Variants in WWOX observed in about 807,000 individuals in gnomAD.
The protein encoded by WWOX is WW domain containing oxidoreductase.
In WWOX, 69 loss-of-function variants were observed where a neutral mutation model predicts 46.2. The observed-to-expected ratio is 1.49, with a 90% CI of 1.23 to 1.82. The LOEUF (loss-of-function observed/expected upper bound fraction) is 1.82, where lower values mean the gene tolerates loss of function less well. Ranked by LOEUF, WWOX falls within the 40% of genes most tolerant of loss-of-function variation. The pLI, the probability that WWOX is intolerant of heterozygous loss-of-function variation, is 0.00. For missense variants in WWOX, 919 were observed against 542.6 expected (o/e 1.69, Z -6.89); for synonymous variants, 359 against 202.6 (o/e 1.77, Z -6.56).
In WWOX at chr16:78,550,917, G is replaced by C. The variant is rs151255650; in HGVS notation, c.1056+118165G>C. On this transcript the variant is annotated intron_variant, in intron 8 of 8. Coordinates refer to ENST00000566780, the MANE Select transcript of WWOX (RefSeq NM_016373.4). Reference sequence around the variant, plus strand: ...GACTTATCACTTGGCTGGGGACTCAGCATTAATTGATAAATCCACTGTAAG... The same window carrying C: ...GACTTATCACTTGGCTGGGGACTCACCATTAATTGATAAATCCACTGTAAG... 41 of 152,254 alleles carry C rather than the reference G, an allele frequency of 2.7e-4. 1 individual carries two copies. The highest frequency in any genetic ancestry group is 9.6e-4 in the African/African-American group (40 of 41,548). The allele number at this position is 152,254 out of a possible 1,614,324, so 9.4% of individuals were successfully genotyped here.
At chr16:78,274,595 G>A (rs2079543241) in intron 5 of WWOX, among the ~76,000 whole-genome samples, 1 of 152,162 alleles carries the variant, frequency 6.6e-6, no homozygotes. Context: ...CACATCCAAT[G>A]TTCAATGTTG....
At chr16:78,446,485 TC>T (rs1278924827) in intron 8 of WWOX, among the ~76,000 whole-genome samples, 1 of 152,044 alleles carries the variant, frequency 6.6e-6, no homozygotes, top group Non-Finnish European at 1.5e-5. Context: ...TTCTGTCACA[TC>T]CCAGGAACTC....
chr16:78,624,472 C>A (rs533127247), intron 8 of WWOX, among the ~76,000 whole-genome samples: 9 of 152,182 alleles, frequency 5.9e-5, no homozygotes, highest in African/African-American at 1.9e-4. Flanking sequence ...TTCCCACTTG[C>A]AATAAGAAAA....
intron 8 of WWOX, among the ~76,000 whole-genome samples, chr16:78,475,627 C>T (rs1191911591): frequency 6.6e-6 from 1 of 152,068 alleles, no homozygotes; most frequent in Non-Finnish European, 1.5e-5. Flanking sequence ...TTTAAGACAG[C>T]GTCTGTTACC....
intron 5 of WWOX, among the ~76,000 whole-genome samples, chr16:78,263,525 G>A (rs1032086209): frequency 2.0e-5 from 3 of 152,120 alleles, no homozygotes; most frequent in Non-Finnish European, 4.4e-5. Flanking sequence ...GTGATGAAAC[G>A]CCTCTTAATC....
chr16:78,178,806 G>T (rs182083159), intron 5 of WWOX, among the ~76,000 whole-genome samples: 77 of 151,746 alleles, frequency 5.1e-4, no homozygotes, highest in African/African-American at 1.8e-3. Flanking sequence ...AGAGGTTGCA[G>T]TGAGCCAAGG....
intron 6 of WWOX, among the ~76,000 whole-genome samples, chr16:78,393,722 A>T (rs935365565): frequency 8.5e-5 from 13 of 152,174 alleles, no homozygotes; most frequent in Non-Finnish European, 1.9e-4. Flanking sequence ...AAACATTTTT[A>T]GAACTGCATT....
intron 8 of WWOX, among the ~76,000 whole-genome samples, chr16:79,118,046 C>T (rs928879256): frequency 6.6e-6 from 1 of 152,224 alleles, no homozygotes; most frequent in African/African-American, 2.4e-5. Context: ...CACAACTTGC[C>T]TGTTTGGCAC....
At chr16:78,610,749 G>T (rs570220475) in intron 8 of WWOX, among the ~76,000 whole-genome samples, 90 of 152,192 alleles carry the variant, frequency 5.9e-4, no homozygotes, top group Non-Finnish European at 1.1e-3. Flanking sequence ...AAACCGTCGG[G>T]GCTAATGGCA....
intron 8 of WWOX, among the ~76,000 whole-genome samples, chr16:78,956,406 C>T (rs549113642): frequency 1.3e-5 from 2 of 152,090 alleles, no homozygotes; most frequent in Non-Finnish European, 2.9e-5. Flanking sequence ...CCGCCCATCT[C>T]GGCCTCCCCA....
At chr16:78,484,151 CAT>C (rs1203333645) in intron 8 of WWOX, among the ~76,000 whole-genome samples, 3 of 152,282 alleles carry the variant, frequency 2.0e-5, no homozygotes, top group South Asian at 2.1e-4. Flanking sequence ...TTTGTATAAA[CAT>C]ATGAATTTGT....
intron 8 of WWOX, among the ~76,000 whole-genome samples, chr16:78,883,633 A>G (rs572901903): frequency 1.3e-5 from 2 of 152,148 alleles, no homozygotes; most frequent in South Asian, 4.1e-4. Flanking sequence ...CTGAAGCAGG[A>G]GAATTGCTTG....
intron 8 of WWOX, among the ~76,000 whole-genome samples, chr16:79,150,033 C>T (rs1025645023): frequency 1.1e-4 from 16 of 152,194 alleles, no homozygotes; most frequent in African/African-American, 3.9e-4. Flanking sequence ...AAATGCTTTT[C>T]TGGTCAAATA....
chr16:78,651,184 A>T (rs1197362169), intron 8 of WWOX, among the ~76,000 whole-genome samples: 1 of 152,244 alleles, frequency 6.6e-6, no homozygotes. Flanking sequence ...TCAAAGTAGC[A>T]CCACTGTACA....
chr16:78,626,997 G>C (rs1431693914), intron 8 of WWOX, among the ~76,000 whole-genome samples: 1 of 151,998 alleles, frequency 6.6e-6, no homozygotes, highest in African/African-American at 2.4e-5. Flanking sequence ...CTTTGGTTTT[G>C]TTTTCACTTC....
At chr16:78,829,201 C>T (rs553279785) in intron 8 of WWOX, among the ~76,000 whole-genome samples, 19 of 152,136 alleles carry the variant, frequency 1.2e-4, no homozygotes, top group Admixed American at 9.2e-4. Flanking sequence ...TAGGAACTGG[C>T]GAATTGGCTC....
chr16:78,621,592 C>CTTTTTTTTTTATTTTTTTTT (rs2046185027), intron 8 of WWOX, among the ~76,000 whole-genome samples: 1 of 31,512 alleles, frequency 3.2e-5, no homozygotes, highest in African/African-American at 1.3e-4. Context: ...TTGTTCTAAT[C>CTTTTTTTTTTATTTTTTTTT]TTTTTTTTTT....
intron 8 of WWOX, among the ~76,000 whole-genome samples, chr16:78,799,882 TA>T (rs1397314574): frequency 6.6e-6 from 1 of 152,192 alleles, no homozygotes; most frequent in Non-Finnish European, 1.5e-5. Flanking sequence ...TATGTAGCTT[TA>T]GAAAAATTTC....
At chr16:79,026,837 G>C (rs557784152) in intron 8 of WWOX, among the ~76,000 whole-genome samples, 1 of 145,406 alleles carries the variant, frequency 6.9e-6, no homozygotes, top group Non-Finnish European at 1.5e-5. Context: ...CACCATGTTA[G>C]CCAGGATGGT....
Sources: gnomAD v4.1 joint callset for allele counts (sites outside exome capture counted in the v4.1 genomes callset) on GRCh38, gnomAD v4.1.1 for gene constraint, MANE v1.5 for transcripts, NCBI Gene and HGNC (gene_info 2026-07-23, HGNC 2026-07-21) for gene names.